DNAJC5B: variants seen among roughly 807,000 people sequenced by gnomAD.
DNAJC5B encodes dnaJ homolog subfamily C member 5B.
DNAJC5B carries 23 observed loss-of-function variants against 24.7 expected under a neutral mutation model. The observed-to-expected ratio is 0.93, with a 90% confidence interval of 0.67 to 1.32. The LOEUF (loss-of-function observed/expected upper bound fraction) is 1.32, where lower values mean the gene tolerates loss of function less well. Ranked by LOEUF, DNAJC5B falls within the 40% of genes most tolerant of loss-of-function variation. DNAJC5B has a pLI of 0.00. For missense variants in DNAJC5B, 238 were observed against 240.8 expected (o/e 0.99, Z 0.08); for synonymous variants, 101 against 90.1 (o/e 1.12, Z -0.68).
intron 5 of DNAJC5B, among the ~76,000 whole-genome samples, chr8:66,095,060 T>G (rs2128967097): frequency 6.6e-6 from 1 of 152,218 alleles, no homozygotes. Context: ...GGTCTATAAT[T>G]TCCCTTTCTC....
the DNAJC5B span, among the ~76,000 whole-genome samples, chr8:66,015,444 C>CT: frequency 6.6e-6 from 1 of 151,788 alleles, no homozygotes; most frequent in African/African-American, 2.4e-5. Context: ...GAAGAGAGAA[C>CT]TTTAAGTAGC....
Position 66,076,768 on chromosome 8 carries a change from G to T in DNAJC5B, c.228G>T (p.Lys76Asn). ...ACGCAATACTTACCGACATTTCAAAGAGAAGCATATACGACAAGTACGGAT... is the reference window on the plus strand; with the variant it reads ...ACGCAATACTTACCGACATTTCAAATAGAAGCATATACGACAAGTACGGAT... ...NAHAILTDIS[K>N]RSIYDKYGSL... Residue 76 changes from lysine (K) to asparagine (N), a missense_variant, in exon 4 of 6, where the codon AAG (lysine) becomes AAT (asparagine). Physicochemically the swap from Lys to Asn is moderately conservative, Grantham distance 94 (BLOSUM62 0). Transcript: ENST00000276570. 6.2e-7 allele frequency: 1 copy of T among 1,614,206 alleles called. No individual in the cohort carries two copies. Among genetic ancestry groups the T allele is most frequent in the Non-Finnish European group, 8.5e-7 (1 of 1,180,018 alleles).
At chr8:66,019,658 T>C (rs1806057543), upstream of DNAJC5B, among the ~76,000 whole-genome samples, 1 of 152,254 alleles carries the variant, frequency 6.6e-6, no homozygotes, top group African/African-American at 2.4e-5. Context: ...AAGGAAAATG[T>C]TAAGTAAATA....
chr8:66,028,763 C>T (rs16932422), intron 1 of DNAJC5B, among the ~76,000 whole-genome samples: 18,348 of 152,160 alleles, frequency 0.12, 1,870 homozygotes, highest in African/African-American at 0.28. Flanking sequence ...TCCTCATCTT[C>T]CTCTAAGATC....
chr8:66,035,875 G>A (rs936866553), intron 1 of DNAJC5B, among the ~76,000 whole-genome samples: 1 of 152,084 alleles, frequency 6.6e-6, no homozygotes, highest in Non-Finnish European at 1.5e-5. Flanking sequence ...TCTGCTCCTA[G>A]GGGACCTTCC....
Position 66,099,726 on chromosome 8 carries a change from T to G in DNAJC5B, c.506-211T>G, listed in dbSNP as rs570857137. On this transcript the variant is annotated intron_variant, in intron 5 of 5. Coordinates refer to ENST00000276570, the MANE Select transcript of DNAJC5B (RefSeq NM_033105.6). The stretch of plus-strand genomic sequence containing the variant: ...CAGGTGAAAGCTGGGTTTGGTGCTT[T>G]GGTTTTATAATTCCATAACTGACAA... 5.3e-5 allele frequency among the ~76,000 whole-genome samples: 8 copies of G among 152,342 alleles called. No homozygotes were observed. In the South Asian group the frequency reaches 1.0e-3, roughly 20 times the overall value.
At chr8:66,081,078 C>T (rs936787867) in intron 5 of DNAJC5B, among the ~76,000 whole-genome samples, 4 of 152,130 alleles carry the variant, frequency 2.6e-5, no homozygotes, top group Non-Finnish European at 2.9e-5. Flanking sequence ...TCAGGAGTAG[C>T]CTCAAACCAG....
At chr8:66,089,184 G>A (rs978333417) in intron 5 of DNAJC5B, among the ~76,000 whole-genome samples, 15 of 152,178 alleles carry the variant, frequency 9.9e-5, no homozygotes, top group Admixed American at 6.5e-4. Flanking sequence ...TTCACAAGGC[G>A]ACAGGAGACA....
chr8:66,089,666 A>G lies in DNAJC5B; in HGVS notation c.505+9118A>G, dbSNP rs534546848. On this transcript the variant is annotated intron_variant, in intron 5 of 5. Transcript: ENST00000276570. ...TACAAAATTGTATCAATCTTTGTTCAATAGTGGTGGTACAGGGTGGGATTT... is the reference window on the plus strand; with the variant it reads ...TACAAAATTGTATCAATCTTTGTTCGATAGTGGTGGTACAGGGTGGGATTT... 1.9e-4 allele frequency among the ~76,000 whole-genome samples: 29 copies of G among 152,308 alleles called. 1 individual carries two copies. Among genetic ancestry groups the G allele is most frequent in the Non-Finnish European group, 3.5e-4 (24 of 68,012 alleles).
At chr8:66,090,468 A>C (rs1307420589) in intron 5 of DNAJC5B, among the ~76,000 whole-genome samples, 1 of 152,104 alleles carries the variant, frequency 6.6e-6, no homozygotes, top group Non-Finnish European at 1.5e-5. Flanking sequence ...ACAAACAAAC[A>C]AAAAAACTGT....
intron 5 of DNAJC5B, among the ~76,000 whole-genome samples, chr8:66,095,917 T>C (rs779846270): frequency 1.3e-5 from 2 of 152,178 alleles, no homozygotes; most frequent in Admixed American, 1.3e-4. Flanking sequence ...CTGTACAGCC[T>C]GGAACTTAGC....
intron 1 of DNAJC5B, among the ~76,000 whole-genome samples, chr8:66,036,618 G>A (rs1403873090): frequency 1.3e-5 from 2 of 152,120 alleles, no homozygotes; most frequent in East Asian, 1.9e-4. Context: ...AGGTTGATTT[G>A]GGGTGAGAAA....
At chr8:66,085,376 G>T (rs1301659405) in intron 5 of DNAJC5B, among the ~76,000 whole-genome samples, 1 of 152,014 alleles carries the variant, frequency 6.6e-6, no homozygotes, top group Non-Finnish European at 1.5e-5. Flanking sequence ...GGAGGCAGAG[G>T]TTGCAGTGAG....
chr8:66,059,281 A>T (rs1006837383), intron 3 of DNAJC5B, among the ~76,000 whole-genome samples: 2 of 152,208 alleles, frequency 1.3e-5, no homozygotes, highest in African/African-American at 4.8e-5. Flanking sequence ...CCACTGCCTA[A>T]AATTCTTAAG....
chr8:66,050,957 T>C (rs930355658), intron 2 of DNAJC5B, among the ~76,000 whole-genome samples: 2 of 152,228 alleles, frequency 1.3e-5, no homozygotes, highest in Non-Finnish European at 2.9e-5. Context: ...CTCATTTTGT[T>C]GTGTGGTGAG....
At chr8:66,021,937 C>T (rs1314195431) in intron 1 of DNAJC5B, among the ~76,000 whole-genome samples, 1 of 152,138 alleles carries the variant, frequency 6.6e-6, no homozygotes, top group Non-Finnish European at 1.5e-5. Flanking sequence ...TCAATAGCTC[C>T]TCCCCGGATG....
chr8:66,066,917 TG>T (rs1309541566), intron 3 of DNAJC5B, among the ~76,000 whole-genome samples: 3 of 152,302 alleles, frequency 2.0e-5, no homozygotes, highest in African/African-American at 7.2e-5. Context: ...AACCTGACTT[TG>T]GTGCTGGCAG....
chr8:66,055,689 A>G (rs1806946605), intron 3 of DNAJC5B, among the ~76,000 whole-genome samples: 1 of 152,232 alleles, frequency 6.6e-6, no homozygotes, highest in African/African-American at 2.4e-5. Context: ...CTGTAATCCC[A>G]GCACTTTGGG....
At chr8:66,029,029 A>G (rs539585632) in intron 1 of DNAJC5B, among the ~76,000 whole-genome samples, 8 of 152,134 alleles carry the variant, frequency 5.3e-5, no homozygotes, top group Middle Eastern at 3.4e-3. Context: ...AGCTTGCCCA[A>G]TACTTTTCTT....
Sources: gnomAD v4.1 joint callset for allele counts (sites outside exome capture counted in the v4.1 genomes callset) on GRCh38, gnomAD v4.1.1 for gene constraint, MANE v1.5 for transcripts, NCBI Gene and HGNC (gene_info 2026-07-23, HGNC 2026-07-21) for gene names.